PRKCB: variants seen among roughly 807,000 people sequenced by gnomAD.
PRKCB encodes protein kinase C beta.
In PRKCB, 13 loss-of-function variants were observed where a neutral mutation model predicts 81.5. That is an observed-to-expected ratio of 0.16 (90% CI 0.10 to 0.25). The LOEUF is 0.25. Ranked by LOEUF, PRKCB falls within the 10% of genes least tolerant of loss-of-function variation. PRKCB has a pLI of 1.00. For missense variants in PRKCB, 509 were observed against 875.7 expected, an observed-to-expected ratio of 0.58 and a Z score of 5.29; for synonymous variants, 335 against 321.4, an observed-to-expected ratio of 1.04 and a Z score of -0.45.
chr16:23,984,856 G>A (rs901412752), intron 2 of PRKCB, among the ~76,000 whole-genome samples: 10 of 152,104 alleles, frequency 6.6e-5, no homozygotes, highest in African/African-American at 1.9e-4. Context: ...GGGATGGGGC[G>A]AGACTATGCT....
intron 9 of PRKCB, 110 bp from the exon 10 acceptor site, chr16:24,154,574 A>G: frequency 9.9e-7 from 1 of 1,014,174 alleles, no homozygotes; most frequent in Non-Finnish European, 1.5e-6. Context: ...TTCAGAGTCA[A>G]CAGAAGGCAC....
rs1201796099 is a variant in PRKCB at position 23,841,155 on chromosome 16, G to A, written c.205+3749G>A. Among the ~76,000 whole-genome samples, 6 of 151,390 alleles carry A rather than the reference G, an allele frequency of 4.0e-5. 1 individual carries two copies. Among genetic ancestry groups the A allele is most frequent in the South Asian group, 4.2e-4 (2 of 4,788 alleles). Reference sequence around the variant, plus strand: ...GTGCAGTGGCACCATTTCGACTCACGGTAACCTCCATCTCCTGGGGCTCAA... The same window carrying A: ...GTGCAGTGGCACCATTTCGACTCACAGTAACCTCCATCTCCTGGGGCTCAA... On this transcript the variant is annotated intron_variant, in intron 2 of 16. Transcript: ENST00000643927.
chr16:23,914,943 G>T (rs1963716717), intron 2 of PRKCB, among the ~76,000 whole-genome samples: 1 of 152,176 alleles, frequency 6.6e-6, no homozygotes, highest in Non-Finnish European at 1.5e-5. Context: ...TGGGGTCCTG[G>T]GTGCTTCTGT....
chr16:24,017,358 A>G (rs1278129229), intron 3 of PRKCB, among the ~76,000 whole-genome samples: 2 of 152,244 alleles, frequency 1.3e-5, no homozygotes, highest in Non-Finnish European at 2.9e-5. Flanking sequence ...ATGAATGCCA[A>G]GGGAAATGAT....
chr16:23,906,181 C>G (rs185920680), intron 2 of PRKCB, among the ~76,000 whole-genome samples: 29 of 152,306 alleles, frequency 1.9e-4, no homozygotes, highest in African/African-American at 6.7e-4. Flanking sequence ...AGCTTGTTCC[C>G]CATCTCCTTA....
At chr16:23,913,070 G>A (rs1481557045) in intron 2 of PRKCB, among the ~76,000 whole-genome samples, 2 of 152,042 alleles carry the variant, frequency 1.3e-5, no homozygotes, top group African/African-American at 2.4e-5. Flanking sequence ...CCAAATGCTG[G>A]GATTGCAGGC....
At chr16:24,114,554 C>T (rs1966715014) in intron 8 of PRKCB, among the ~76,000 whole-genome samples, 2 of 152,066 alleles carry the variant, frequency 1.3e-5, no homozygotes, top group Admixed American at 1.3e-4. Context: ...CAAATAAACA[C>T]CATTTTCAGC....
chr16:23,868,005 C>T (rs1378304254), intron 2 of PRKCB, among the ~76,000 whole-genome samples: 1 of 152,166 alleles, frequency 6.6e-6, no homozygotes, highest in African/African-American at 2.4e-5. Context: ...GGAGATCTGG[C>T]TCCAAAGAAT....
intron 2 of PRKCB, among the ~76,000 whole-genome samples, chr16:23,981,557 C>T (rs1159197948): frequency 1.3e-5 from 2 of 150,964 alleles, no homozygotes; most frequent in African/African-American, 2.4e-5. Context: ...TGGCAGGTGG[C>T]CTTTCTTCTT....
chr16:24,212,364 C>T (rs1968151365), intron 16 of PRKCB, among the ~76,000 whole-genome samples: 1 of 131,260 alleles, frequency 7.6e-6, no homozygotes, highest in Non-Finnish European at 1.5e-5. Context: ...GTTTTTATTA[C>T]TCTTGTTATC....
rs1045820798 is a variant in PRKCB at position 24,130,640 on chromosome 16, G to T, written c.1065+6659G>T. 4.6e-5 allele frequency among the ~76,000 whole-genome samples: 7 copies of T among 152,110 alleles called. No individual in the cohort carries two copies. In the East Asian group the frequency reaches 1.2e-3, roughly 25 times the overall value. On this transcript the variant is annotated intron_variant, in intron 9 of 16. Coordinates refer to ENST00000643927, the MANE Select transcript of PRKCB (RefSeq NM_002738.7). Reference sequence around the variant, plus strand: ...AGTTTAAGACGTTTAAGACAGGCGCGCCTGGCCACACCCACTCTCTCCATA... The same window carrying T: ...AGTTTAAGACGTTTAAGACAGGCGCTCCTGGCCACACCCACTCTCTCCATA...
At chr16:24,127,028 G>A (rs1288046435) in intron 9 of PRKCB, among the ~76,000 whole-genome samples, 2 of 122,536 alleles carry the variant, frequency 1.6e-5, no homozygotes, top group Non-Finnish European at 3.4e-5. Flanking sequence ...TTTTTGAGAC[G>A]GTGTTTCTCT....
At chr16:23,913,119 G>T (rs1257476472) in intron 2 of PRKCB, among the ~76,000 whole-genome samples, 1 of 152,136 alleles carries the variant, frequency 6.6e-6, no homozygotes, top group East Asian at 1.9e-4. Context: ...TGGAGGCTGA[G>T]GTTCAAGGAG....
chr16:24,198,144 C>A (rs942837039), intron 16 of PRKCB, among the ~76,000 whole-genome samples: 1 of 152,142 alleles, frequency 6.6e-6, no homozygotes, highest in African/African-American at 2.4e-5. Context: ...GTGCATTGAG[C>A]CTTTGGCATG....
intron 9 of PRKCB, among the ~76,000 whole-genome samples, chr16:24,129,989 T>A (rs1966850969): frequency 6.6e-6 from 1 of 152,220 alleles, no homozygotes; most frequent in Non-Finnish European, 1.5e-5. Context: ...CTGTATTTGC[T>A]TTATCATGTA....
chr16:24,219,245 C>CTTTG lies in PRKCB; in HGVS notation c.*4432_*4433insGTTT. 2.0e-6 allele frequency: 2 copies of CTTTG among 981,720 alleles called. No homozygotes were observed. Among genetic ancestry groups the CTTTG allele is most frequent in the Non-Finnish European group, 2.4e-6 (2 of 828,286 alleles). 60.8% of individuals were successfully genotyped at this position (981,720 alleles called of 1,614,324 possible). On this transcript the variant is annotated 3_prime_UTR_variant, in exon 17 of 17. Coordinates refer to ENST00000643927, the MANE Select transcript of PRKCB (RefSeq NM_002738.7). ...AGGAGAATCGAGTTGCTTTGAGTTT[C>CTTTG]TTTTGTTTTGTTTTGTTTTGTTTTG...
rs1968237195 is a variant in PRKCB at position 24,216,976 on chromosome 16, T to A, written c.*2160T>A. Reference sequence around the variant, plus strand: ...CCCTTATCTGGTGGTTGGATCATGATCCCATTTTGCTTGGACATGCTCTCA... The same window carrying A: ...CCCTTATCTGGTGGTTGGATCATGAACCCATTTTGCTTGGACATGCTCTCA... On this transcript the variant is annotated 3_prime_UTR_variant, in exon 17 of 17. Transcript: ENST00000643927. The A allele has an allele frequency of 1.0e-6, 1 of 985,368 alleles. No homozygotes were observed. Among genetic ancestry groups the A allele is most frequent in the Non-Finnish European group, 1.2e-6 (1 of 829,942 alleles). 61.0% of individuals were successfully genotyped at this position (985,368 alleles called of 1,614,324 possible).
intron 6 of PRKCB, 122 bp downstream of exon 6, chr16:24,093,069 G>C: frequency 9.4e-7 from 1 of 1,059,696 alleles, no homozygotes; most frequent in Non-Finnish European, 1.3e-6. Flanking sequence ...CTCCTTTTCT[G>C]TCTTCTCCAT....
intron 2 of PRKCB, among the ~76,000 whole-genome samples, chr16:23,881,986 CTTTCT>C (rs1194271493): frequency 4.2e-5 from 1 of 23,866 alleles, no homozygotes; most frequent in African/African-American, 1.1e-4. Context: ...TTCTTTCTTT[CTTTCT>C]TTCTTTCTTT....
Sources: allele counts gnomAD v4.1 joint callset (sites outside exome capture counted in the v4.1 genomes callset), GRCh38; gene constraint gnomAD v4.1.1; transcripts MANE v1.5; gene names NCBI Gene and HGNC (gene_info 2026-07-23, HGNC 2026-07-21).